The following TLN2 variants were observed in gnomAD, a reference collection of about 807,000 sequenced individuals.
TLN2 encodes talin 2, also known as talin-2.
Under a neutral mutation model 294.7 loss-of-function variants are expected in TLN2, and 118 were observed. The ratio of observed to expected loss-of-function variants is 0.40; its 90% CI spans 0.34 to 0.47. The LOEUF is 0.47. Ranked by LOEUF, TLN2 falls within the 20% of genes least tolerant of loss-of-function variation. The probability of loss-of-function intolerance (pLI) is 0.84; values close to 1 mark genes in which losing one functional copy is unlikely to be tolerated. For missense variants in TLN2, 3,083 were observed against 3,282.2 expected, an observed-to-expected ratio of 0.94 and a Z score of 1.48; for synonymous variants, 1,431 against 1,304.5, an observed-to-expected ratio of 1.10 and a Z score of -2.09.
chr15:62,507,272 C>G (rs962496106), intron 1 of TLN2, among the ~76,000 whole-genome samples: 3 of 152,126 alleles, frequency 2.0e-5, no homozygotes, highest in Non-Finnish European at 2.9e-5. Context: ...TTTCTCAAGA[C>G]GAAGTTATCA....
At chr15:62,550,003 A>C (rs1474896019) in intron 1 of TLN2, among the ~76,000 whole-genome samples, 2 of 152,142 alleles carry the variant, frequency 1.3e-5, no homozygotes, top group Non-Finnish European at 1.5e-5. Context: ...GCTGGTTCTG[A>C]TGATGGTGAT....
intron 1 of TLN2, among the ~76,000 whole-genome samples, chr15:62,584,246 G>A (rs774309049): frequency 6.6e-6 from 1 of 152,216 alleles, no homozygotes. Flanking sequence ...GCAAGTGAAA[G>A]CATCCAAAAT....
At chr15:62,577,171 C>T (rs1425429999) in intron 1 of TLN2, among the ~76,000 whole-genome samples, 3 of 152,192 alleles carry the variant, frequency 2.0e-5, no homozygotes, top group South Asian at 2.1e-4. Context: ...TTGCCGGGCG[C>T]GGTGGCTCAC....
At chr15:62,526,162 C>T (rs2040727445) in intron 1 of TLN2, among the ~76,000 whole-genome samples, 2 of 152,270 alleles carry the variant, frequency 1.3e-5, no homozygotes, top group South Asian at 2.1e-4. Context: ...CGGAGGCTCT[C>T]TCTGTCACCC....
chr15:62,736,796 C>A (rs1449726750), intron 28 of TLN2, 82 bp from the exon 29 acceptor site: 1 of 1,464,454 alleles, frequency 6.8e-7, no homozygotes, highest in African/African-American at 1.4e-5. Context: ...TGTGCCAGGC[C>A]CTGGTCCAGA....
chr15:62,840,414 G>T, intron 58 of TLN2, 68 bp from the exon 59 acceptor site: 1 of 1,591,106 alleles, frequency 6.3e-7, no homozygotes, highest in Non-Finnish European at 8.6e-7. Flanking sequence ...GCTCACATGA[G>T]CAGTGGGGTG....
intron 51 of TLN2, 64 bp downstream of exon 51, chr15:62,805,849 G>A: frequency 6.5e-7 from 1 of 1,539,982 alleles, no homozygotes; most frequent in Non-Finnish European, 8.8e-7. Flanking sequence ...GTTGCTTGGT[G>A]TAGTCTGAAA....
chr15:62,610,281 A>G (rs1596333375), intron 2 of TLN2, among the ~76,000 whole-genome samples: 1 of 152,230 alleles, frequency 6.6e-6, no homozygotes, highest in African/African-American at 2.4e-5. Flanking sequence ...AGTATCTTCA[A>G]ATACTGAATT....
intron 1 of TLN2, among the ~76,000 whole-genome samples, chr15:62,471,666 G>C (rs1476299643): frequency 2.0e-5 from 3 of 152,146 alleles, no homozygotes; most frequent in Non-Finnish European, 4.4e-5. Context: ...CCCTTATCTG[G>C]GGCCTGGCAC....
At chr15:62,724,786 G>A (rs955981015) in intron 26 of TLN2, among the ~76,000 whole-genome samples, 190 bp from the exon 27 acceptor site, 1 of 152,136 alleles carries the variant, frequency 6.6e-6, no homozygotes, top group Admixed American at 6.5e-5. Flanking sequence ...ATGGTTTAAG[G>A]AAGTTAAGAG....
rs1366962858 is a variant in TLN2 at position 62,686,703 on chromosome 15, G to A, written c.1020G>A (p.Val340=). The change falls in exon 12 of 59, where the codon GTG becomes GTA. Residue 340 remains valine (V), a synonymous_variant. Transcript: ENST00000636159. ...PRLLGITKDS[V]MRVDEKTKEV... is the part of the protein sequence containing the mutation. Reference sequence around the variant, plus strand: ...TGCTGGGGATCACCAAAGACTCGGTGATGCGCGTGGATGAGAAGACCAAGG... The same window carrying A: ...TGCTGGGGATCACCAAAGACTCGGTAATGCGCGTGGATGAGAAGACCAAGG... 6.2e-7 allele frequency: 1 copy of A among 1,614,070 alleles called. No individual in the cohort carries two copies. Among genetic ancestry groups the A allele is most frequent in the African/African-American group, 1.3e-5 (1 of 75,040 alleles).
At chr15:62,429,839 G>A (rs2034920252) in intron 1 of TLN2, among the ~76,000 whole-genome samples, 3 of 152,144 alleles carry the variant, frequency 2.0e-5, no homozygotes, top group African/African-American at 7.2e-5. Context: ...AGATTATTCA[G>A]GCCCATAATA....
intron 51 of TLN2, among the ~76,000 whole-genome samples, chr15:62,807,405 G>A (rs1490019601): frequency 2.0e-5 from 3 of 152,184 alleles, no homozygotes; most frequent in Non-Finnish European, 2.9e-5. Context: ...CCAAGGTCAC[G>A]CAGCTATTTA....
intron 1 of TLN2, among the ~76,000 whole-genome samples, chr15:62,490,012 T>C (rs976984380): frequency 6.6e-6 from 1 of 152,302 alleles, no homozygotes; most frequent in African/African-American, 2.4e-5. Context: ...ATCTGTGAGA[T>C]TGTGTTTATG....
chr15:62,678,073 G>A (rs909802230), intron 11 of TLN2, among the ~76,000 whole-genome samples: 1 of 151,838 alleles, frequency 6.6e-6, no homozygotes, highest in Non-Finnish European at 1.5e-5. Flanking sequence ...GGGATTACAG[G>A]CGTGAGCCAC....
chr15:62,610,043 G>A (rs1008137568), intron 2 of TLN2, among the ~76,000 whole-genome samples: 2 of 152,094 alleles, frequency 1.3e-5, no homozygotes, highest in South Asian at 2.1e-4. Context: ...GACTCATCTT[G>A]TACTTACCCT....
intron 1 of TLN2, among the ~76,000 whole-genome samples, chr15:62,467,658 C>T (rs555977178): frequency 6.7e-6 from 1 of 150,158 alleles, no homozygotes. Context: ...GCACTCCAGC[C>T]TGGGTGACAG....
At chr15:62,542,051 CATT>C (rs1390620675) in intron 1 of TLN2, among the ~76,000 whole-genome samples, 41 of 151,986 alleles carry the variant, frequency 2.7e-4, no homozygotes, top group African/African-American at 8.7e-4. Flanking sequence ...AAGTGCCAGA[CATT>C]ATGCTGGGCC....
At chr15:62,727,542 G>A (rs760767039) in intron 28 of TLN2, among the ~76,000 whole-genome samples, 1 of 152,240 alleles carries the variant, frequency 6.6e-6, no homozygotes, top group Non-Finnish European at 1.5e-5. Flanking sequence ...AATGGAATGT[G>A]TGAAAATGGA....
Sources: allele counts gnomAD v4.1 joint callset (sites outside exome capture counted in the v4.1 genomes callset), GRCh38; gene constraint gnomAD v4.1.1; transcripts MANE v1.5; gene names NCBI Gene and HGNC (gene_info 2026-07-23, HGNC 2026-07-21).